CDH5: variants seen among roughly 807,000 people sequenced by gnomAD.
CDH5 encodes cadherin-5.
CDH5 carries 28 observed loss-of-function variants against 62.0 expected under a neutral mutation model. That is an observed-to-expected ratio of 0.45 (90% CI 0.33 to 0.62). The LOEUF (loss-of-function observed/expected upper bound fraction) is 0.62, where lower values mean the gene tolerates loss of function less well. Ranked by LOEUF, CDH5 falls within the 20% of genes least tolerant of loss-of-function variation. The pLI is 0.02. For missense variants in CDH5, 940 were observed against 1,065.1 expected (o/e 0.88, Z 1.63); for synonymous variants, 464 against 445.8 (o/e 1.04, Z -0.52).
At position 66,403,205 on chromosome 16, in the gene CDH5, C is replaced by G. The variant is rs779625184; in HGVS notation, c.*36C>G. On this transcript the variant is annotated 3_prime_UTR_variant, in exon 12 of 12. Transcript: ENST00000341529. The surrounding 1 kb of genome is among the most constrained non-coding windows in gnomAD (Gnocchi z 4.3). ...TCACTCTGGGCCTGGGGACCCAAAC[C>G]CCCTGCAGCCCAGGCCAGTCAGACG... 40 of 1,567,950 alleles carry G rather than the reference C, an allele frequency of 2.6e-5. No homozygotes were observed. Among genetic ancestry groups the G allele is most frequent in the Non-Finnish European group, 3.0e-5 (35 of 1,158,492 alleles).
intron 7 of CDH5, among the ~76,000 whole-genome samples, chr16:66,393,359 A>G: frequency 6.6e-6 from 1 of 152,224 alleles, no homozygotes; most frequent in Non-Finnish European, 1.5e-5. Context: ...TGGGTAATTT[A>G]TAAAGAAAAG....
intron 1 of CDH5, among the ~76,000 whole-genome samples, chr16:66,378,265 T>C (rs780211542): frequency 6.6e-6 from 1 of 152,190 alleles, no homozygotes; most frequent in Non-Finnish European, 1.5e-5. Context: ...CCATAGCAGC[T>C]GCTGGGACAA....
At chr16:66,367,641 G>A (rs935611314) in intron 1 of CDH5, among the ~76,000 whole-genome samples, 3 of 152,194 alleles carry the variant, frequency 2.0e-5, no homozygotes, top group African/African-American at 7.2e-5. Context: ...ACAAGGGATG[G>A]TGTGGGGCTC....
intron 11 of CDH5, among the ~76,000 whole-genome samples, chr16:66,401,663 G>A (rs1340629628): frequency 6.6e-6 from 1 of 152,194 alleles, no homozygotes; most frequent in African/African-American, 2.4e-5. Flanking sequence ...AGTGAAGCTG[G>A]GAAGGGAGGA....
intron 2 of CDH5, among the ~76,000 whole-genome samples, 198 bp downstream of exon 2, chr16:66,379,745 G>T (rs1960853712): frequency 6.6e-6 from 1 of 152,208 alleles, no homozygotes; most frequent in Non-Finnish European, 1.5e-5. Context: ...GGTAGCAATG[G>T]TGGTGGTAGT....
Position 66,398,467 on chromosome 16 carries a change from G to T in CDH5, c.1497G>T (p.Gln499His). Residue 499 changes from glutamine (Q) to histidine (H), a missense_variant, in exon 10 of 12, where the codon CAG (glutamine) becomes CAT (histidine). Physicochemically the swap from Gln to His is conservative, Grantham distance 24 (BLOSUM62 0). Transcript: ENST00000341529. ...ENAVHGQLVL[Q>H]ISAIDKDITP... ...CTTCCACACTCCAGCTGGTCCTGCA[G>T]ATCTCCGCAATAGACAAGGACATAA... The T allele has an allele frequency of 6.2e-7, 1 of 1,604,564 alleles. No homozygotes were observed. Among genetic ancestry groups the T allele is most frequent in the South Asian group, 1.1e-5 (1 of 90,902 alleles).
chr16:66,377,962 C>T (rs185399718), intron 1 of CDH5, among the ~76,000 whole-genome samples: 17 of 152,328 alleles, frequency 1.1e-4, no homozygotes, highest in Admixed American at 2.6e-4. Flanking sequence ...CTTCAAAGGG[C>T]ATCATCCTTG....
rs766280589 is a variant in CDH5, at chr16:66,396,105, A to C, written c.1264A>C (p.Thr422Pro). The change falls in exon 8 of 12, where the codon ACA (threonine) becomes CCA (proline). Residue 422 changes from threonine to proline, a missense_variant. By Grantham distance (38) the Thr-to-Pro change is conservative. Transcript: ENST00000341529. Reference protein sequence around the residue: ...TSDKGQFFRVTKKGDIYNEKE... With the variant: ...TSDKGQFFRVPKKGDIYNEKE... ...TGACAAGGGCCAGTTCTTCCGAGTCACAAAAAAGGGGGACATTTACAATGA... is the reference window on the plus strand; with the variant it reads ...TGACAAGGGCCAGTTCTTCCGAGTCCCAAAAAAGGGGGACATTTACAATGA... 6.2e-7 allele frequency: 1 copy of C among 1,614,152 alleles called. No homozygotes were observed. Among genetic ancestry groups the C allele is most frequent in the Non-Finnish European group, 8.5e-7 (1 of 1,180,006 alleles).
chr16:66,380,498 T>C (rs1380395730), intron 2 of CDH5, among the ~76,000 whole-genome samples: 1 of 150,882 alleles, frequency 6.6e-6, no homozygotes, highest in Non-Finnish European at 1.5e-5. Context: ...ATCACGATGA[T>C]GGCGGTGATG....
rs746018570 is a variant in CDH5, at chr16:66,386,928, G to A, written c.330G>A (p.Arg110=). ...GDVFAIERLD[R]ENISEYHLTA... ...TGTTCGCCATTGAGAGGCTGGACCG[G>A]GAGAATATCTCAGAGTACCACCTCA... The change falls in exon 3 of 12, where the codon CGG becomes CGA. Residue 110 remains arginine (R), a synonymous_variant. Transcript: ENST00000341529. The A allele has an allele frequency of 6.2e-7, 1 of 1,614,206 alleles. No individual in the cohort carries two copies. Among genetic ancestry groups the A allele is most frequent in the Non-Finnish European group, 8.5e-7 (1 of 1,180,036 alleles).
chr16:66,403,098 G>A lies in CDH5; in HGVS notation c.2284G>A (p.Asp762Asn), dbSNP rs756892376. The stretch of plus-strand genomic sequence containing the variant: ...TGACGTGGATTACGACTTCCTTAAC[G>A]ACTGGGGACCCAGGTTTAAGATGCT... ...DSDVDYDFLN[D>N]WGPRFKMLAE... The change falls in exon 12 of 12, where the codon GAC becomes AAC. Residue 762 changes from aspartate to asparagine, a missense_variant. By Grantham distance (23) the Asp-to-Asn change is conservative. Transcript: ENST00000341529. The surrounding 1 kb of genome is among the most constrained non-coding windows in gnomAD (Gnocchi z 4.3). 1.1e-5 allele frequency: 17 copies of A among 1,613,618 alleles called. No homozygotes were observed. The East Asian group carries it at 2.9e-4, about 27-fold the overall frequency.
At chr16:66,369,954 G>A (rs781498851) in intron 1 of CDH5, among the ~76,000 whole-genome samples, 1 of 151,808 alleles carries the variant, frequency 6.6e-6, no homozygotes, top group South Asian at 2.1e-4. Flanking sequence ...CCTGCTCAGG[G>A]GTGTTTGCAT....
At chr16:66,397,671 T>G (rs920481016) in intron 8 of CDH5, among the ~76,000 whole-genome samples, 4 of 152,226 alleles carry the variant, frequency 2.6e-5, no homozygotes, top group Admixed American at 2.0e-4. Context: ...TAATTTATTA[T>G]GTTTTATGTA....
At position 66,404,581 on chromosome 16, in the gene CDH5, GT is replaced by G; in HGVS notation, c.*1417del. 1 of 152,338 alleles carries G rather than the reference GT, an allele frequency of 6.6e-6. No homozygotes were observed. The highest frequency in any genetic ancestry group is 1.9e-4 in the East Asian group (1 of 5,204). 9.4% of individuals were successfully genotyped at this position (152,338 alleles called of 1,614,324 possible). A position where few individuals can be genotyped will look rare whatever the true frequency, so the allele number is the denominator to read the frequency against. On this transcript the variant is annotated 3_prime_UTR_variant, in exon 12 of 12. Transcript: ENST00000341529. Reference sequence around the variant, plus strand: ...GCTCTCACAGACATATAGAATAAGGGTTTTTGCATAATAAGCAGGTTGTTAT... The same window carrying G: ...GCTCTCACAGACATATAGAATAAGGGTTTTGCATAATAAGCAGGTTGTTAT...
intron 4 of CDH5, among the ~76,000 whole-genome samples, chr16:66,388,863 A>T (rs906476739): frequency 6.6e-6 from 1 of 152,078 alleles, no homozygotes; most frequent in Non-Finnish European, 1.5e-5. Flanking sequence ...TTATATTTAT[A>T]TCGTATGGTA....
At chr16:66,400,415 A>G (rs146072091) in intron 10 of CDH5, among the ~76,000 whole-genome samples, 3 of 152,328 alleles carry the variant, frequency 2.0e-5, no homozygotes, top group Non-Finnish European at 4.4e-5. Flanking sequence ...CAAAGCTTGA[A>G]ACGGAGCATT....
At chr16:66,394,776 T>C (rs1331521794) in intron 7 of CDH5, among the ~76,000 whole-genome samples, 1 of 151,492 alleles carries the variant, frequency 6.6e-6, no homozygotes, top group East Asian at 1.9e-4. Flanking sequence ...GGTTTTTACT[T>C]TATATTGAGA....
rs150701187 is a variant in CDH5, at chr16:66,400,902, G to C, written c.1723G>C (p.Val575Leu). ...GGGCACCAGCACGCTGACCGTGGCC[G>C]TGTGCAAGTGCAACGAGCAGGGCGA... ...RTGTSTLTVA[V>L]CKCNEQGEFT... The change falls in exon 11 of 12, where the codon GTG becomes CTG. Residue 575 changes from valine (V) to leucine (L), a missense_variant. By Grantham distance (32) the Val-to-Leu change is conservative (BLOSUM62 1). Transcript: ENST00000341529. The C allele has an allele frequency of 6.2e-7, 1 of 1,614,186 alleles. No homozygotes were observed. The highest frequency in any genetic ancestry group is 1.3e-5 in the African/African-American group (1 of 75,072).
chr16:66,375,968 G>A (rs1189583643), intron 1 of CDH5, among the ~76,000 whole-genome samples: 2 of 151,950 alleles, frequency 1.3e-5, no homozygotes, highest in African/African-American at 2.4e-5. Context: ...AAAATTGGCC[G>A]GGCGTGGTGT....
Sources: gnomAD v4.1 joint callset for allele counts (sites outside exome capture counted in the v4.1 genomes callset) on GRCh38, gnomAD v4.1.1 for gene constraint, Gnocchi (gnomAD v3.1) non-coding constraint, MANE v1.5 for transcripts, NCBI Gene and HGNC (gene_info 2026-07-23, HGNC 2026-07-21) for gene names.